The following RASSF3 variants were observed in gnomAD, a reference collection of about 807,000 sequenced individuals.
The protein encoded by RASSF3 is ras association domain-containing protein 3.
In RASSF3, 19 loss-of-function variants were observed where a neutral mutation model predicts 19.9. The ratio of observed to expected loss-of-function variants is 0.96; its 90% CI spans 0.67 to 1.40. The LOEUF (loss-of-function observed/expected upper bound fraction) is 1.40, where lower values mean the gene tolerates loss of function less well. Among genes scored for constraint, RASSF3 ranks in the 40% most tolerant of loss-of-function variants. The probability of loss-of-function intolerance (pLI) is 0.00; values close to 1 mark genes in which losing one functional copy is unlikely to be tolerated. For missense variants in RASSF3, 306 were observed against 289.8 expected (o/e 1.06, Z -0.41); for synonymous variants, 110 against 104.2 (o/e 1.06, Z -0.34).
At chr12:64,684,435 G>GTTTT (rs56163162) in intron 1 of RASSF3, among the ~76,000 whole-genome samples, 21 of 131,202 alleles carry the variant, frequency 1.6e-4, no homozygotes, top group East Asian at 8.9e-4. Context: ...TTGTTTGTTT[G>GTTTT]TTTTTTTTTT....
intron 1 of RASSF3, among the ~76,000 whole-genome samples, chr12:64,623,675 C>G (rs1211471753): frequency 2.0e-5 from 3 of 152,070 alleles, no homozygotes; most frequent in African/African-American, 7.3e-5. Context: ...TGGAGTCTCA[C>G]TCTGTCACCC....
chr12:64,519,049 G>A (rs1050165763), intron 1 of RASSF3, among the ~76,000 whole-genome samples: 1 of 152,158 alleles, frequency 6.6e-6, no homozygotes, highest in African/African-American at 2.4e-5. Flanking sequence ...GATTGATCAT[G>A]CATGGGTATA....
At chr12:64,513,040 A>G (rs534151179) in intron 1 of RASSF3, among the ~76,000 whole-genome samples, 154 of 152,258 alleles carry the variant, frequency 1.0e-3, no homozygotes, top group Non-Finnish European at 1.8e-3. Context: ...TATAAACAGA[A>G]GCTCTCCCGA....
chr12:64,665,645 G>C (rs903812579), intron 1 of RASSF3, among the ~76,000 whole-genome samples: 4 of 152,120 alleles, frequency 2.6e-5, no homozygotes, highest in Non-Finnish European at 5.9e-5. Context: ...CAACCTGGAA[G>C]TTACCACCCT....
intron 2 of RASSF3, among the ~76,000 whole-genome samples, chr12:64,566,749 A>G (rs547985573): frequency 6.6e-6 from 1 of 152,300 alleles, no homozygotes; most frequent in East Asian, 1.9e-4. Context: ...AGTGAGACTC[A>G]GCCTTAAAGA....
chr12:64,545,001 A>T (rs1869027977), downstream of RASSF3, among the ~76,000 whole-genome samples: 1 of 152,236 alleles, frequency 6.6e-6, no homozygotes, highest in African/African-American at 2.4e-5. Context: ...CTAATGGGGA[A>T]TCTGTAAAGG....
chr12:64,609,979 C>G (rs1313328289), upstream of RASSF3, among the ~76,000 whole-genome samples: 1 of 152,184 alleles, frequency 6.6e-6, no homozygotes, highest in Non-Finnish European at 1.5e-5. Flanking sequence ...TTGAAATCCT[C>G]CTGGAGGGGC....
At chr12:64,617,300 C>T (rs1870584923) in intron 1 of RASSF3, among the ~76,000 whole-genome samples, 1 of 152,132 alleles carries the variant, frequency 6.6e-6, no homozygotes, top group South Asian at 2.1e-4. Flanking sequence ...ATCATTTATT[C>T]ATTAATATAT....
At chr12:64,671,275 C>T (rs1356182694) in intron 1 of RASSF3, among the ~76,000 whole-genome samples, 4 of 152,126 alleles carry the variant, frequency 2.6e-5, no homozygotes, top group Admixed American at 6.5e-5. Flanking sequence ...CGTGAACCCT[C>T]GAAGACTGAT....
chr12:64,633,439 GCCTGGCA>G (rs1411386685), intron 1 of RASSF3, among the ~76,000 whole-genome samples: 1 of 152,078 alleles, frequency 6.6e-6, no homozygotes, highest in Non-Finnish European at 1.5e-5. Context: ...TTTAAAAAGA[GCCTGGCA>G]CCTCCTCCTC....
chr12:64,680,352 G>A (rs1873076405), intron 1 of RASSF3, among the ~76,000 whole-genome samples: 1 of 152,002 alleles, frequency 6.6e-6, no homozygotes, highest in Non-Finnish European at 1.5e-5. Context: ...GGGCCATTTT[G>A]GAAGCAGCTT....
intron 1 of RASSF3, among the ~76,000 whole-genome samples, chr12:64,647,141 T>C (rs576760889): frequency 1.3e-5 from 2 of 152,184 alleles, no homozygotes; most frequent in Non-Finnish European, 2.9e-5. Context: ...CCCAATTTCT[T>C]TTATCTTTTA....
In RASSF3 at chr12:64,694,809, T is replaced by G. The variant is rs1269355704; in HGVS notation, c.614T>G (p.Leu205Trp). Residue 205 changes from leucine to tryptophan, a missense_variant, in exon 5 of 5, where the codon TTG (leucine) becomes TGG (tryptophan). Coordinates refer to ENST00000542104, the MANE Select transcript of RASSF3 (RefSeq NM_178169.4). ...GAACTACAGAATTTCTTGCGCATCT[T>G]GGACAAGGAAGAAGATGAACAGCTG... ...LPELQNFLRI[L>W]DKEEDEQLQN... 3.1e-6 allele frequency: 5 copies of G among 1,614,208 alleles called. No individual in the cohort carries two copies. The highest frequency in any genetic ancestry group is 4.2e-6 in the Non-Finnish European group (5 of 1,180,018).
chr12:64,684,739 C>G lies in RASSF3; in HGVS notation c.112-48C>G, dbSNP rs917455566. ...AGCCACTGCGCCCGGCCTATCCGCACTTTTTTTTATGATTGCTCACATGTG... is the reference window on the plus strand; with the variant it reads ...AGCCACTGCGCCCGGCCTATCCGCAGTTTTTTTTATGATTGCTCACATGTG... On this transcript the variant is annotated intron_variant, in intron 1 of 4. Transcript: ENST00000542104. 3 of 1,392,346 alleles carry G rather than the reference C, an allele frequency of 2.2e-6. No homozygotes were observed. In the African/African-American group the frequency reaches 4.3e-5, roughly 20 times the overall value. 86.2% of individuals were successfully genotyped at this position (1,392,346 alleles called of 1,614,324 possible). A position where few individuals can be genotyped will look rare whatever the true frequency, so the allele number is the denominator to read the frequency against.
downstream of RASSF3, among the ~76,000 whole-genome samples, chr12:64,542,231 G>A (rs1396338023): frequency 1.3e-5 from 2 of 152,276 alleles, no homozygotes; most frequent in East Asian, 3.9e-4. Flanking sequence ...AAGAGGCTGA[G>A]GCAGGAGGAT....
In RASSF3 at chr12:64,566,311, AC is replaced by A. The variant is rs548135076; in HGVS notation, c.294+24608del. Among the ~76,000 whole-genome samples the A allele has an allele frequency of 5.9e-5, 9 of 152,328 alleles. No homozygotes were observed. The East Asian group carries it at 1.7e-3, about 29-fold the overall frequency. ...TGCTTTTATTCACCAAGGAATGCAAACCATCTTGTTTTACATTTTTTAATTT... is the reference window on the plus strand; with the variant it reads ...TGCTTTTATTCACCAAGGAATGCAAACATCTTGTTTTACATTTTTTAATTT... On this transcript the variant is annotated intron_variant, in intron 2 of 5. Transcript: ENST00000637125.
At chr12:64,521,257 A>C (rs564222406) in intron 1 of RASSF3, among the ~76,000 whole-genome samples, 1 of 152,156 alleles carries the variant, frequency 6.6e-6, no homozygotes, top group Non-Finnish European at 1.5e-5. Flanking sequence ...TGTGCTCCTA[A>C]AGTGGACAGG....
At chr12:64,599,390 A>G (rs1309713557) in intron 2 of RASSF3, among the ~76,000 whole-genome samples, 1 of 152,230 alleles carries the variant, frequency 6.6e-6, no homozygotes, top group South Asian at 2.1e-4. Context: ...ATCAAAATCA[A>G]TGTTGGAAAG....
chr12:64,543,728 AGGACTT>A (rs906066568), downstream of RASSF3, among the ~76,000 whole-genome samples: 24 of 151,330 alleles, frequency 1.6e-4, no homozygotes, highest in Non-Finnish European at 2.8e-4. Context: ...GAGTCTAGTG[AGGACTT>A]GGAGAACCTT....
Sources: allele counts gnomAD v4.1 joint callset (sites outside exome capture counted in the v4.1 genomes callset), GRCh38; gene constraint gnomAD v4.1.1; transcripts MANE v1.5; gene names NCBI Gene and HGNC (gene_info 2026-07-23, HGNC 2026-07-21).